AXL: variants seen among roughly 807,000 people sequenced by gnomAD.
AXL encodes the protein AXL receptor tyrosine kinase, also known as tyrosine-protein kinase receptor UFO.
In AXL, 52 loss-of-function variants were observed where a neutral mutation model predicts 104.5. The observed-to-expected ratio is 0.50, with a 90% CI of 0.40 to 0.63. The LOEUF is 0.63. Ranked by LOEUF, AXL falls within the 20% of genes least tolerant of loss-of-function variation. The probability of loss-of-function intolerance (pLI) is 0.00; values close to 1 mark genes in which losing one functional copy is unlikely to be tolerated. For synonymous variants in AXL, 455 were observed against 473.7 expected (o/e 0.96, Z 0.51); for missense variants, 1,024 against 1,188.5 (o/e 0.86, Z 2.04).
chr19:41,237,973 C>G lies in AXL; in HGVS notation c.813C>G (p.Ile271Met), dbSNP rs765219468. The change falls in exon 7 of 20, where the codon ATC (isoleucine) becomes ATG (methionine). Residue 271 changes from isoleucine to methionine, a missense_variant. Ile to Met is a conservative substitution (Grantham distance 10). Around this residue, in one of 5 missense-constraint regions of AXL, gnomAD observed 332 missense variants for 343.9 expected, o/e 0.97. Coordinates refer to ENST00000301178, the MANE Select transcript of AXL (RefSeq NM_021913.5). ...TGCTGTCAGACGATGGGATGGGCAT[C>G]CAGGCGGGAGAACCAGACCCCCCAG... ...QAVLSDDGMG[I>M]QAGEPDPPEE... The G allele has an allele frequency of 6.2e-7, 1 of 1,613,778 alleles. No individual in the cohort carries two copies. Among genetic ancestry groups the G allele is most frequent in the South Asian group, 1.1e-5 (1 of 91,050 alleles).
At position 41,260,203 on chromosome 19, in the gene AXL, G is replaced by A. The variant is rs1313870557; in HGVS notation, c.*299G>A. ...AGGTTTAAAGAGTCTAGATTCAAAG[G>A]TTCTAGGTTTCAAAGATGCTGTGAG... On this transcript the variant is annotated 3_prime_UTR_variant, in exon 20 of 20. Transcript: ENST00000301178. The A allele has an allele frequency of 6.4e-6, 2 of 312,736 alleles. No individual in the cohort carries two copies. The highest frequency in any genetic ancestry group is 5.8e-6 in the Non-Finnish European group (1 of 171,302). The allele number at this position is 312,736 out of a possible 1,614,324, so 19.4% of individuals were successfully genotyped here.
At chr19:41,238,854 C>T (rs1029047222) in intron 8 of AXL, among the ~76,000 whole-genome samples, 4 of 151,996 alleles carry the variant, frequency 2.6e-5, no homozygotes, top group Admixed American at 6.6e-5. Context: ...TACTATATAA[C>T]GATTTTACAG....
In AXL at chr19:41,247,634, G is replaced by T. The variant is rs186991794; in HGVS notation, c.1538-880G>T. Among the ~76,000 whole-genome samples the T allele has an allele frequency of 7.7e-4, 117 of 152,306 alleles. 1 individual carries two copies. Among genetic ancestry groups the T allele is most frequent in the African/African-American group, 2.7e-3 (113 of 41,574 alleles). The stretch of plus-strand genomic sequence containing the variant: ...GGGTCTTGCTCTGTCACCCAGGCTG[G>T]GGTGCAGTGGCATGAGCTCAGCTTA... On this transcript the variant is annotated intron_variant, in intron 12 of 19. Coordinates refer to ENST00000301178, the MANE Select transcript of AXL (RefSeq NM_021913.5).
intron 10 of AXL, among the ~76,000 whole-genome samples, chr19:41,240,528 T>C (rs560729354): frequency 6.6e-6 from 1 of 152,052 alleles, no homozygotes; most frequent in Non-Finnish European, 1.5e-5. Flanking sequence ...CTCTCAAATA[T>C]TTCTCTAACA....
intron 6 of AXL, 40 bp downstream of exon 6, chr19:41,231,338 C>T (rs2033985794): frequency 6.4e-7 from 1 of 1,550,390 alleles, no homozygotes; most frequent in Non-Finnish European, 8.8e-7. Flanking sequence ...TCTCAGGCCT[C>T]CTTCCACCCA....
intron 10 of AXL, among the ~76,000 whole-genome samples, chr19:41,240,668 G>T (rs1314748201): frequency 6.6e-6 from 1 of 151,818 alleles, no homozygotes; most frequent in Admixed American, 6.6e-5. Context: ...CGCTTTCCAC[G>T]CTTATTCCAC....
At chr19:41,230,022 T>C (rs1441195839) in intron 4 of AXL, among the ~76,000 whole-genome samples, 1 of 152,044 alleles carries the variant, frequency 6.6e-6, no homozygotes, top group Non-Finnish European at 1.5e-5. Context: ...TATGTATATA[T>C]GTGTCTATGT....
chr19:41,229,224 C>T (rs1263753378), intron 4 of AXL, among the ~76,000 whole-genome samples: 2 of 151,828 alleles, frequency 1.3e-5, no homozygotes, highest in Non-Finnish European at 2.9e-5. Flanking sequence ...GCTGGGATTA[C>T]GGGCATGAAC....
chr19:41,243,081 G>A (rs1476694417), intron 11 of AXL, 66 bp downstream of exon 11: 1 of 1,606,232 alleles, frequency 6.2e-7, no homozygotes, highest in East Asian at 2.2e-5. Context: ...AGGGAGGCCA[G>A]TGAGGAGGCT....
intron 14 of AXL, 50 bp from the exon 15 acceptor site, chr19:41,252,301 A>T: frequency 7.0e-7 from 1 of 1,422,148 alleles, no homozygotes; most frequent in Non-Finnish European, 9.9e-7. Flanking sequence ...GTGGAGGGAG[A>T]GTCCTCCCTC....
At chr19:41,235,385 G>A (rs749956444) in intron 6 of AXL, among the ~76,000 whole-genome samples, 1 of 43,852 alleles carries the variant, frequency 2.3e-5, no homozygotes, top group African/African-American at 1.1e-4. Context: ...TAGATAGATA[G>A]ATAGATAGAT....
intron 10 of AXL, among the ~76,000 whole-genome samples, chr19:41,240,164 A>G (rs2034157158): frequency 6.7e-6 from 1 of 150,080 alleles, no homozygotes. Context: ...TAGGTGGGTG[A>G]ACAGATAAAT....
At chr19:41,226,632 A>T in intron 4 of AXL, 1 of 600,118 alleles carries the variant, frequency 1.7e-6, no homozygotes, top group Non-Finnish European at 2.1e-6. Context: ...ACAGAGGCGT[A>T]CACGCACGGA....
chr19:41,226,384 G>C (rs2033881575), intron 4 of AXL, among the ~76,000 whole-genome samples: 1 of 152,200 alleles, frequency 6.6e-6, no homozygotes, highest in Non-Finnish European at 1.5e-5. Flanking sequence ...GGACTGTACT[G>C]TTTCTCCTCC....
chr19:41,257,405 C>A, intron 18 of AXL, 88 bp from the exon 19 acceptor site: 1 of 1,545,458 alleles, frequency 6.5e-7, no homozygotes. Flanking sequence ...AACATGTGTA[C>A]ATAAGTGTGG....
chr19:41,220,856 C>G lies in AXL; in HGVS notation c.306C>G (p.Leu102=), dbSNP rs1414336005. The change falls in exon 2 of 20, where the codon CTC becomes CTG. Residue 102 remains leucine, a splice_region_variant and synonymous_variant. Transcript: ENST00000301178. ...ATGACTGGATAGTGGTCAGCCAGCT[C>G]AGGTGTGTGGCCACATCCCCGAATC... is the stretch of plus-strand genomic sequence containing the variant. ...EQDDWIVVSQ[L]RITSLQLSDT... The G allele has an allele frequency of 6.2e-7, 1 of 1,613,682 alleles. No homozygotes were observed. The highest frequency in any genetic ancestry group is 1.7e-5 in the Admixed American group (1 of 59,992).
At chr19:41,236,786 G>GAAAAAA (rs56927752) in intron 6 of AXL, among the ~76,000 whole-genome samples, 1 of 132,040 alleles carries the variant, frequency 7.6e-6, no homozygotes. Context: ...CCAAAAAAAG[G>GAAAAAA]AAAAAAAAAA....
At chr19:41,255,092 C>T (rs1299015933) in intron 17 of AXL, among the ~76,000 whole-genome samples, 2 of 152,244 alleles carry the variant, frequency 1.3e-5, no homozygotes, top group Non-Finnish European at 2.9e-5. Context: ...GTGGTACCCA[C>T]TATCCTGACT....
In AXL at chr19:41,246,593, T is replaced by G. The variant is rs527375821; in HGVS notation, c.1538-1921T>G. On this transcript the variant is annotated intron_variant, in intron 12 of 19. Transcript: ENST00000301178. Reference sequence around the variant, plus strand: ...TGCCAGGTGTGGTGGTGTACACCTATAATTCCAGCTGCTCAGGAGGGTGAG... The same window carrying G: ...TGCCAGGTGTGGTGGTGTACACCTAGAATTCCAGCTGCTCAGGAGGGTGAG... 5.9e-5 allele frequency among the ~76,000 whole-genome samples: 9 copies of G among 151,714 alleles called. No individual in the cohort carries two copies. In the East Asian group the frequency reaches 1.4e-3, roughly 23 times the overall value.
Sources: gnomAD v4.1 joint callset for allele counts (sites outside exome capture counted in the v4.1 genomes callset) on GRCh38, gnomAD v4.1.1 for gene constraint, gnomAD v4.1.1 regional missense constraint, MANE v1.5 for transcripts, NCBI Gene and HGNC (gene_info 2026-07-23, HGNC 2026-07-21) for gene names.